The following TRIM42 variants were observed in gnomAD, a reference collection of about 807,000 sequenced individuals.
TRIM42 encodes tripartite motif containing 42.
In TRIM42, 59 loss-of-function variants were observed where a neutral mutation model predicts 64.9. The observed-to-expected ratio is 0.91, with a 90% CI of 0.74 to 1.13. TRIM42 has a LOEUF of 1.13. TRIM42 is among the 50% of genes most tolerant of loss of function. The pLI, the probability that TRIM42 is intolerant of heterozygous loss-of-function variation, is 0.00. For missense variants in TRIM42, 878 were observed against 929.5 expected (o/e 0.94, Z 0.72); for synonymous variants, 354 against 346.3 (o/e 1.02, Z -0.25).
intron 4 of TRIM42, among the ~76,000 whole-genome samples, chr3:140,693,840 CTTTAAT>C (rs947427394): frequency 6.6e-6 from 1 of 152,146 alleles, no homozygotes; most frequent in African/African-American, 2.4e-5. Context: ...AGAAAATTAA[CTTTAAT>C]GATTTTGAAA....
At position 140,682,858 on chromosome 3, in the gene TRIM42, C is replaced by A; in HGVS notation, c.738C>A (p.Ile246=). Residue 246 remains isoleucine (I), a synonymous_variant, in exon 2 of 5, where the codon ATC becomes ATA. Coordinates refer to ENST00000286349, the MANE Select transcript of TRIM42 (RefSeq NM_152616.5). ...ILCQVCRNKR[I]AYKRCITCRL... ...GCCAGGTCTGCCGCAACAAGCGCATCGCTTACAAGCGCTGCATCACCTGCC... is the reference window on the plus strand; with the variant it reads ...GCCAGGTCTGCCGCAACAAGCGCATAGCTTACAAGCGCTGCATCACCTGCC... The A allele has an allele frequency of 6.2e-7, 1 of 1,614,182 alleles. No individual in the cohort carries two copies. The highest frequency in any genetic ancestry group is 1.1e-5 in the South Asian group (1 of 91,086).
Position 140,683,077 on chromosome 3 carries a change from T to C in TRIM42, c.957T>C (p.Asn319=). The change falls in exon 2 of 5, where the codon AAT becomes AAC. Residue 319 remains asparagine, a synonymous_variant. Coordinates refer to ENST00000286349, the MANE Select transcript of TRIM42 (RefSeq NM_152616.5). ...LCTFCKFSFH[N]GHDTISLIDA... Reference sequence around the variant, plus strand: ...CCTTCTGCAAGTTCTCTTTCCACAATGGCCACGACACCATTAGCCTCATCG... The same window carrying C: ...CCTTCTGCAAGTTCTCTTTCCACAACGGCCACGACACCATTAGCCTCATCG... The C allele has an allele frequency of 6.2e-7, 1 of 1,614,198 alleles. No homozygotes were observed. The highest frequency in any genetic ancestry group is 2.2e-5 in the East Asian group (1 of 44,888).
In TRIM42 at chr3:140,688,401, C is replaced by T. The variant is rs1988617266; in HGVS notation, c.1719C>T (p.Thr573=). 1 of 1,614,098 alleles carries T rather than the reference C, an allele frequency of 6.2e-7. No individual in the cohort carries two copies. The highest frequency in any genetic ancestry group is 1.3e-5 in the African/African-American group (1 of 74,940). Residue 573 remains threonine (T), a synonymous_variant, in exon 3 of 5, where the codon ACC becomes ACT. Transcript: ENST00000286349. ...CCAAACCCACAGACGGCCTCTACACCTACTGGAGTGCTGGAGCAGACAGCC... is the reference window on the plus strand; with the variant it reads ...CCAAACCCACAGACGGCCTCTACACTTACTGGAGTGCTGGAGCAGACAGCC... The part of the protein sequence containing the change: ...TPAKPTDGLY[T]YWSAGADSQS...
chr3:140,693,390 T>C (rs1247389508), intron 4 of TRIM42, among the ~76,000 whole-genome samples: 2 of 152,244 alleles, frequency 1.3e-5, no homozygotes, highest in African/African-American at 4.8e-5. Context: ...GCTTCATTTT[T>C]ATCTGACTTG....
At position 140,687,969 on chromosome 3, in the gene TRIM42, C is replaced by T. The variant is rs1385259595; in HGVS notation, c.1287C>T (p.Tyr429=). The change falls in exon 3 of 5, where the codon TAC becomes TAT. Residue 429 remains tyrosine, a synonymous_variant. Coordinates refer to ENST00000286349, the MANE Select transcript of TRIM42 (RefSeq NM_152616.5). ...ACGAGATGGATGGTCTGATCGCCTA[C>T]TCCAAGGAAGCCCTGAAGGAGACTG... The part of the protein sequence containing the change: ...KVNEMDGLIA[Y]SKEALKETGQ... 2 of 1,614,200 alleles carry T rather than the reference C, an allele frequency of 1.2e-6. No individual in the cohort carries two copies. The highest frequency in any genetic ancestry group is 1.1e-5 in the South Asian group (1 of 91,082).
At chr3:140,680,872 G>A (rs1224376283) in intron 1 of TRIM42, among the ~76,000 whole-genome samples, 2 of 152,164 alleles carry the variant, frequency 1.3e-5, no homozygotes, top group African/African-American at 4.8e-5. Context: ...TCAGACATAG[G>A]CTCCTGGCCA....
intron 1 of TRIM42, among the ~76,000 whole-genome samples, chr3:140,679,236 A>T (rs894007816): frequency 6.6e-6 from 1 of 152,184 alleles, no homozygotes; most frequent in East Asian, 1.9e-4. Flanking sequence ...TACCCCATAC[A>T]TCCATGAACT....
intron 4 of TRIM42, among the ~76,000 whole-genome samples, chr3:140,694,049 C>A (rs1988788745): frequency 6.6e-6 from 1 of 152,170 alleles, no homozygotes; most frequent in African/African-American, 2.4e-5. Context: ...TGAGTGGACA[C>A]CTTGGTCTGT....
Position 140,690,959 on chromosome 3 carries a change from C to A in TRIM42, c.1861-9C>A, listed in dbSNP as rs1033576850. The A allele has an allele frequency of 6.2e-7, 1 of 1,606,266 alleles. No homozygotes were observed. Among genetic ancestry groups the A allele is most frequent in the Admixed American group, 1.7e-5 (1 of 59,990 alleles). ...TAGTACCACACCAGTATGTTCATTT[C>A]TTCCATAGGTTTACTGGACATGTCC... On this transcript the variant is annotated splice_polypyrimidine_tract_variant and intron_variant, in intron 3 of 4. Transcript: ENST00000286349.
At chr3:140,699,903 G>A (rs1988954587) in intron 4 of TRIM42, among the ~76,000 whole-genome samples, 1 of 152,138 alleles carries the variant, frequency 6.6e-6, no homozygotes, top group Non-Finnish European at 1.5e-5. Context: ...TGGCTTCTTT[G>A]TTTTTGCCCT....
At chr3:140,680,022 T>C (rs1988329157) in intron 1 of TRIM42, among the ~76,000 whole-genome samples, 2 of 151,872 alleles carry the variant, frequency 1.3e-5, no homozygotes, top group South Asian at 4.2e-4. Flanking sequence ...GGAGATTTGA[T>C]AGGTGGTACA....
Position 140,687,795 on chromosome 3 carries a change from A to G in TRIM42, c.1113A>G (p.Ala371=). 34 of 1,614,236 alleles carry G rather than the reference A, an allele frequency of 2.1e-5. No individual in the cohort carries two copies. The highest frequency in any genetic ancestry group is 2.9e-5 in the Non-Finnish European group (34 of 1,180,032). ...LKNSFKADKE[A]KRKEIRNGFL... is the part of the protein sequence containing the mutation. The stretch of plus-strand genomic sequence containing the variant: ...ACAGCTTTAAAGCTGACAAGGAGGC[A>G]AAGCGAAAAGAGATCAGAAATGGCT... Residue 371 remains alanine (A), a synonymous_variant, in exon 3 of 5, where the codon GCA becomes GCG. Coordinates refer to ENST00000286349, the MANE Select transcript of TRIM42 (RefSeq NM_152616.5).
At chr3:140,692,524 T>TACACAC (rs1988744390) in intron 4 of TRIM42, among the ~76,000 whole-genome samples, 1 of 51,764 alleles carries the variant, frequency 1.9e-5, no homozygotes, top group African/African-American at 6.5e-5. Context: ...CACACACACA[T>TACACAC]ACACATACAC....
chr3:140,689,869 C>T (rs973724486), intron 3 of TRIM42, among the ~76,000 whole-genome samples: 4 of 151,172 alleles, frequency 2.6e-5, no homozygotes, highest in African/African-American at 9.8e-5. Flanking sequence ...CAACTGAGAC[C>T]TCTTGAGAAG....
intron 3 of TRIM42, among the ~76,000 whole-genome samples, chr3:140,690,114 G>A (rs1267215551): frequency 6.6e-6 from 1 of 152,064 alleles, no homozygotes; most frequent in East Asian, 1.9e-4. Context: ...ATAATGGAAT[G>A]GACTTCATAC....
chr3:140,684,537 G>T (rs1262440534), intron 2 of TRIM42, among the ~76,000 whole-genome samples: 4 of 152,136 alleles, frequency 2.6e-5, no homozygotes, highest in Non-Finnish European at 5.9e-5. Context: ...AGGTCCCATT[G>T]GATGTAAAGG....
chr3:140,689,608 G>T (rs542167416), intron 3 of TRIM42, among the ~76,000 whole-genome samples: 1 of 152,076 alleles, frequency 6.6e-6, no homozygotes, highest in African/African-American at 2.4e-5. Context: ...TACAGACCAA[G>T]ATTTACTTTT....
intron 1 of TRIM42, 100 bp downstream of exon 1, chr3:140,678,670 GTTCAT>G (rs1285786940): frequency 1.0e-6 from 1 of 982,640 alleles, no homozygotes; most frequent in East Asian, 2.6e-5. Context: ...GAGCCTCTGA[GTTCAT>G]TTCTTTATCT....
At chr3:140,680,982 C>T (rs1003755652) in intron 1 of TRIM42, among the ~76,000 whole-genome samples, 3 of 152,194 alleles carry the variant, frequency 2.0e-5, no homozygotes, top group African/African-American at 7.2e-5. Flanking sequence ...TATTATTATG[C>T]AAACAGAGGA....
Sources: allele counts gnomAD v4.1 joint callset (sites outside exome capture counted in the v4.1 genomes callset), GRCh38; gene constraint gnomAD v4.1.1; transcripts MANE v1.5; gene names NCBI Gene and HGNC (gene_info 2026-07-23, HGNC 2026-07-21).